The following RASGRF2 variants were observed in gnomAD, a reference collection of about 807,000 sequenced individuals.
RASGRF2 encodes Ras protein specific guanine nucleotide releasing factor 2.
In RASGRF2, 76 loss-of-function variants were observed where a neutral mutation model predicts 151.0. The observed-to-expected ratio is 0.50, with a 90% CI of 0.42 to 0.61. The LOEUF is 0.61. RASGRF2 is among the 20% of genes least tolerant of loss of function. The pLI is 0.00. For missense variants in RASGRF2, 1,148 were observed against 1,564.6 expected (o/e 0.73, Z 4.49); for synonymous variants, 504 against 566.5 (o/e 0.89, Z 1.57).
intron 18 of RASGRF2, among the ~76,000 whole-genome samples, chr5:81,192,460 G>GA (rs777770401): frequency 6.6e-6 from 1 of 152,196 alleles, no homozygotes; most frequent in Non-Finnish European, 1.5e-5. Flanking sequence ...TTAGGCAATG[G>GA]AAAATGCCAG....
chr5:81,134,443 G>A (rs1378597805), intron 17 of RASGRF2, among the ~76,000 whole-genome samples: 1 of 152,130 alleles, frequency 6.6e-6, no homozygotes, highest in Non-Finnish European at 1.5e-5. Flanking sequence ...GTGGAAGCCT[G>A]AGAGCTCAGC....
At chr5:80,972,548 C>T (rs2112220747) in intron 1 of RASGRF2, among the ~76,000 whole-genome samples, 1 of 152,164 alleles carries the variant, frequency 6.6e-6, no homozygotes, top group African/African-American at 2.4e-5. Context: ...GGTATGAGCT[C>T]AGCTCACTGC....
intron 26 of RASGRF2, among the ~76,000 whole-genome samples, chr5:81,220,700 C>T (rs1253142344): frequency 1.3e-5 from 2 of 152,148 alleles, no homozygotes; most frequent in Non-Finnish European, 2.9e-5. Flanking sequence ...GAACTCCTGA[C>T]CTCATGATCC....
intron 1 of RASGRF2, among the ~76,000 whole-genome samples, chr5:80,993,763 G>A (rs571057432): frequency 6.6e-6 from 1 of 152,246 alleles, no homozygotes; most frequent in Admixed American, 6.5e-5. Flanking sequence ...GCCATAGAGG[G>A]TTGCAACCAA....
At chr5:81,094,809 TG>T in intron 11 of RASGRF2, 46 bp from the exon 12 acceptor site, 1 of 1,535,696 alleles carries the variant, frequency 6.5e-7, no homozygotes, top group Non-Finnish European at 9.0e-7. Context: ...TATCACTCTT[TG>T]TTTTTTTGTA....
chr5:81,150,626 G>A (rs1754112040), intron 17 of RASGRF2, among the ~76,000 whole-genome samples: 1 of 152,004 alleles, frequency 6.6e-6, no homozygotes, highest in African/African-American at 2.4e-5. Flanking sequence ...ATGCATGTAT[G>A]TGCACGTGAA....
intron 17 of RASGRF2, among the ~76,000 whole-genome samples, chr5:81,135,244 CT>C (rs1326470278): frequency 8.5e-5 from 13 of 152,218 alleles, no homozygotes; most frequent in Admixed American, 3.3e-4. Flanking sequence ...GAGGTGGAGG[CT>C]GCAGTGAGTA....
chr5:81,196,760 C>T (rs940306087), intron 18 of RASGRF2, among the ~76,000 whole-genome samples: 21 of 152,108 alleles, frequency 1.4e-4, no homozygotes, highest in Admixed American at 2.6e-4. Context: ...TTATGATAAT[C>T]AGATTATTTG....
intron 17 of RASGRF2, among the ~76,000 whole-genome samples, chr5:81,163,409 C>T (rs543294339): frequency 6.6e-6 from 1 of 152,156 alleles, no homozygotes; most frequent in East Asian, 1.9e-4. Context: ...CCATTTTTAA[C>T]CATCTTAATT....
chr5:81,172,866 G>T (rs961034989), intron 17 of RASGRF2, among the ~76,000 whole-genome samples: 8 of 152,072 alleles, frequency 5.3e-5, no homozygotes, highest in African/African-American at 1.9e-4. Context: ...GATGATGTGT[G>T]GTGAGATTAT....
intron 1 of RASGRF2, among the ~76,000 whole-genome samples, chr5:80,962,196 A>T (rs1747583819): frequency 6.6e-6 from 1 of 152,218 alleles, no homozygotes; most frequent in Non-Finnish European, 1.5e-5. Flanking sequence ...TCATTAACAG[A>T]CTTAAGTGAT....
At chr5:81,014,712 C>T (rs903257583) in intron 1 of RASGRF2, among the ~76,000 whole-genome samples, 1 of 152,116 alleles carries the variant, frequency 6.6e-6, no homozygotes, top group African/African-American at 2.4e-5. Flanking sequence ...TATGAAGAAT[C>T]CTGAAAATAT....
At chr5:81,131,170 C>A (rs1211288774) in intron 17 of RASGRF2, among the ~76,000 whole-genome samples, 1 of 152,130 alleles carries the variant, frequency 6.6e-6, no homozygotes, top group Non-Finnish European at 1.5e-5. Flanking sequence ...AAATGCAATA[C>A]AAGGGAGGAC....
intron 3 of RASGRF2, among the ~76,000 whole-genome samples, chr5:81,068,975 A>G (rs1751695192): frequency 6.6e-6 from 1 of 152,200 alleles, no homozygotes; most frequent in African/African-American, 2.4e-5. Flanking sequence ...CTGCCCAGGG[A>G]TGCATTAGTA....
intron 17 of RASGRF2, among the ~76,000 whole-genome samples, chr5:81,128,289 C>T (rs945630792): frequency 6.6e-5 from 10 of 151,882 alleles, no homozygotes; most frequent in African/African-American, 2.4e-4. Context: ...AGATGCTCTC[C>T]CCACAAAAAA....
chr5:81,007,879 T>C (rs958785334), intron 1 of RASGRF2, among the ~76,000 whole-genome samples: 1 of 152,044 alleles, frequency 6.6e-6, no homozygotes, highest in Admixed American at 6.6e-5. Flanking sequence ...GGGGGTGAAC[T>C]GAAGAGAGAG....
chr5:81,024,326 C>T (rs1749940027), intron 1 of RASGRF2, among the ~76,000 whole-genome samples: 1 of 122,730 alleles, frequency 8.1e-6, no homozygotes, highest in South Asian at 2.7e-4. Flanking sequence ...GTGGTGTGAT[C>T]TCGGCTCACT....
intron 3 of RASGRF2, 26 bp from the exon 4 acceptor site, chr5:81,070,466 T>C: frequency 6.5e-7 from 1 of 1,543,244 alleles, no homozygotes; most frequent in Non-Finnish European, 9.0e-7. Context: ...TCCCAAATCA[T>C]GAAATGGACC....
At chr5:81,087,376 C>T in intron 9 of RASGRF2, 1 of 699,972 alleles carries the variant, frequency 1.4e-6, no homozygotes, top group Non-Finnish European at 2.6e-6. Flanking sequence ...AAACAGCTGT[C>T]TGTTGTTCCC....
Sources: allele counts gnomAD v4.1 joint callset (sites outside exome capture counted in the v4.1 genomes callset), GRCh38; gene constraint gnomAD v4.1.1; transcripts MANE v1.5; gene names NCBI Gene and HGNC (gene_info 2026-07-23, HGNC 2026-07-21).